ARMC9: variants seen among roughly 807,000 people sequenced by gnomAD.
The protein encoded by ARMC9 is lisH domain-containing protein ARMC9.
Under a neutral mutation model 107.0 loss-of-function variants are expected in ARMC9, and 94 were observed. The observed-to-expected ratio is 0.88, with a 90% CI of 0.74 to 1.04. ARMC9 has a LOEUF of 1.04. ARMC9 is among the 50% of genes least tolerant of loss of function. The pLI, the probability that ARMC9 is intolerant of heterozygous loss-of-function variation, is 0.00. For synonymous variants in ARMC9, 380 were observed against 396.9 expected, an observed-to-expected ratio of 0.96 and a Z score of 0.51; for missense variants, 942 against 1,030.1, an observed-to-expected ratio of 0.91 and a Z score of 1.17.
intron 19 of ARMC9, among the ~76,000 whole-genome samples, chr2:231,311,218 G>A (rs1177773796): frequency 6.6e-6 from 1 of 152,218 alleles, no homozygotes; most frequent in African/African-American, 2.4e-5. Flanking sequence ...AATTTGCTAT[G>A]CAGCTCACTT....
chr2:231,207,812 A>G (rs2032247934), intron 2 of ARMC9, among the ~76,000 whole-genome samples: 1 of 152,128 alleles, frequency 6.6e-6, no homozygotes, highest in Non-Finnish European at 1.5e-5. Flanking sequence ...ACCTCCATAC[A>G]GTTTTCTATA....
chr2:231,221,383 G>C (rs899171595), intron 5 of ARMC9, among the ~76,000 whole-genome samples: 1 of 152,044 alleles, frequency 6.6e-6, no homozygotes, highest in Admixed American at 6.5e-5. Flanking sequence ...CATCTGCAAC[G>C]ACCCCATTCC....
rs768902491 is a variant in ARMC9, at chr2:231,371,706, G to A, written c.*171G>A. 4.6e-4 allele frequency: 285 copies of A among 615,906 alleles called. No homozygotes were observed. Among genetic ancestry groups the A allele is most frequent in the Non-Finnish European group, 6.2e-4 (263 of 425,732 alleles). 38.2% of individuals were successfully genotyped at this position (615,906 alleles called of 1,614,324 possible). On this transcript the variant is annotated 3_prime_UTR_variant, in exon 25 of 25. Transcript: ENST00000611582. ...ACCAGAGCAAGGCCATCGCAGCCCC[G>A]CCAGCCGGGTCACTTTCTCCCAGGG...
At position 231,345,042 on chromosome 2, in the gene ARMC9, C is replaced by A. The variant is rs763928506; in HGVS notation, c.1946C>A (p.Pro649His). 6.2e-7 allele frequency: 1 copy of A among 1,613,918 alleles called. No homozygotes were observed. Among genetic ancestry groups the A allele is most frequent in the Non-Finnish European group, 8.5e-7 (1 of 1,179,974 alleles). ...LANVQWSGDE[P>H]LQRPVTPGGH... is the part of the protein sequence containing the mutation. ...AATGTGCAGTGGAGCGGGGATGAGC[C>A]CCTGCAAAGGCCCGTCACCCCCGGC... The change falls in exon 21 of 25, where the codon CCC (proline) becomes CAC (histidine). Residue 649 changes from proline to histidine, a missense_variant. By Grantham distance (77) the Pro-to-His change is moderately conservative (BLOSUM62 -2). Transcript: ENST00000611582.
intron 10 of ARMC9, among the ~76,000 whole-genome samples, chr2:231,257,043 A>T (rs2037887472): frequency 6.6e-6 from 1 of 152,206 alleles, no homozygotes; most frequent in African/African-American, 2.4e-5. Flanking sequence ...TTGAACACCC[A>T]ACCGCAAGTG....
intron 17 of ARMC9, among the ~76,000 whole-genome samples, chr2:231,287,423 A>G (rs1473423843): frequency 6.6e-6 from 1 of 152,216 alleles, no homozygotes; most frequent in African/African-American, 2.4e-5. Flanking sequence ...GGAAATTAAC[A>G]GTGTAGAGAA....
Position 231,368,774 on chromosome 2 carries a change from C to A in ARMC9, c.2262-1179C>A, listed in dbSNP as rs150960053. Among the ~76,000 whole-genome samples the A allele has an allele frequency of 4.2e-3, 635 of 152,202 alleles. 8 individuals carry two copies. The highest frequency in any genetic ancestry group is 0.027 in the Middle Eastern group (8 of 294). On this transcript the variant is annotated intron_variant, in intron 23 of 24. Coordinates refer to ENST00000611582, the MANE Select transcript of ARMC9 (RefSeq NM_001352754.2). ...AAGTAGCTGGGATTACAGGCACATA[C>A]CACCATGCCCCGCTAATTTTTTGTA...
chr2:231,212,238 G>A (rs916944141), intron 3 of ARMC9, among the ~76,000 whole-genome samples: 5 of 152,150 alleles, frequency 3.3e-5, no homozygotes, highest in African/African-American at 9.7e-5. Context: ...TTTGATCATG[G>A]TTTATAGAAC....
intron 3 of ARMC9, among the ~76,000 whole-genome samples, chr2:231,213,570 G>A (rs1195777333): frequency 1.3e-5 from 2 of 151,174 alleles, no homozygotes; most frequent in Admixed American, 6.6e-5. Context: ...TCCGCCTCCC[G>A]GGTTCAAGCA....
rs751156295 is a variant in ARMC9 at position 231,214,827 on chromosome 2, AC to A, written c.178-3del. ...AGGTATGTAGTCTGATGTCTTCTCCACAGAAGGATCTTGTCGCTGCATTTGA... is the reference window on the plus strand; with the variant it reads ...AGGTATGTAGTCTGATGTCTTCTCCAAGAAGGATCTTGTCGCTGCATTTGA... On this transcript the variant is annotated splice_region_variant and splice_polypyrimidine_tract_variant and intron_variant, in intron 3 of 24. Coordinates refer to ENST00000611582, the MANE Select transcript of ARMC9 (RefSeq NM_001352754.2). 22 of 1,613,718 alleles carry A rather than the reference AC, an allele frequency of 1.4e-5. No individual in the cohort carries two copies. The highest frequency in any genetic ancestry group is 1.9e-5 in the Non-Finnish European group (22 of 1,179,768).
intron 19 of ARMC9, among the ~76,000 whole-genome samples, chr2:231,326,594 G>A (rs1354603440): frequency 1.3e-5 from 2 of 152,170 alleles, no homozygotes; most frequent in Admixed American, 6.5e-5. Context: ...GTGATGGCAG[G>A]TGGCACTGAC....
At chr2:231,319,485 C>G (rs1301857962) in intron 19 of ARMC9, among the ~76,000 whole-genome samples, 2 of 152,202 alleles carry the variant, frequency 1.3e-5, no homozygotes, top group Admixed American at 6.5e-5. Context: ...GGTTCTAACC[C>G]AGATGTGGGC....
chr2:231,334,574 C>T (rs1292062264), intron 20 of ARMC9, among the ~76,000 whole-genome samples: 1 of 152,228 alleles, frequency 6.6e-6, no homozygotes, highest in Non-Finnish European at 1.5e-5. Context: ...GGGGTCAGGA[C>T]ATGGGCATAG....
intron 19 of ARMC9, among the ~76,000 whole-genome samples, chr2:231,320,788 GT>G (rs1227439490): frequency 6.6e-6 from 1 of 152,148 alleles, no homozygotes; most frequent in African/African-American, 2.4e-5. Context: ...TCCTTGTCTT[GT>G]ATCATGTGTG....
intron 10 of ARMC9, among the ~76,000 whole-genome samples, chr2:231,257,187 G>T (rs937803206): frequency 2.0e-5 from 3 of 152,178 alleles, no homozygotes; most frequent in African/African-American, 7.2e-5. Flanking sequence ...TGTTCATATG[G>T]TATTGTATAG....
chr2:231,256,739 G>T, intron 10 of ARMC9, 119 bp downstream of exon 10: 1 of 1,036,748 alleles, frequency 9.6e-7, no homozygotes, highest in East Asian at 2.4e-5. Context: ...TTGAGCTAGA[G>T]CTACATGTGA....
At chr2:231,305,964 ATGAT>A (rs1307208611) in intron 19 of ARMC9, among the ~76,000 whole-genome samples, 1 of 152,210 alleles carries the variant, frequency 6.6e-6, no homozygotes, top group African/African-American at 2.4e-5. Flanking sequence ...TAAACTCCGA[ATGAT>A]TGGTCTCAAA....
chr2:231,251,130 A>G (rs757063486), intron 9 of ARMC9, among the ~76,000 whole-genome samples: 5 of 152,082 alleles, frequency 3.3e-5, no homozygotes, highest in Admixed American at 2.0e-4. Flanking sequence ...GGAGATGTAG[A>G]GAGTGAAGAG....
intron 24 of ARMC9, chr2:231,370,660 C>A (rs2045981350): frequency 6.1e-6 from 1 of 163,458 alleles, no homozygotes; most frequent in Non-Finnish European, 1.3e-5. Context: ...GCCCAAGGGC[C>A]CCCACTCTCT....
Sources: allele counts gnomAD v4.1 joint callset (sites outside exome capture counted in the v4.1 genomes callset), GRCh38; gene constraint gnomAD v4.1.1; transcripts MANE v1.5; gene names NCBI Gene and HGNC (gene_info 2026-07-23, HGNC 2026-07-21).